Variants in LINGO2 observed in about 807,000 individuals in gnomAD.
The protein encoded by LINGO2 is leucine rich repeat and Ig domain containing 2.
LINGO2 carries 14 observed loss-of-function variants against 30.6 expected under a neutral mutation model. That is an observed-to-expected ratio of 0.46 (90% CI 0.30 to 0.72). The LOEUF is 0.72. LINGO2 is among the 30% of genes least tolerant of loss of function. LINGO2 has a pLI of 0.07. For missense variants in LINGO2, 729 were observed against 751.7 expected, an observed-to-expected ratio of 0.97 and a Z score of 0.35; for synonymous variants, 317 against 288.5, an observed-to-expected ratio of 1.10 and a Z score of -1.00.
At chr9:29,018,035 TAGAGAG>T in the LINGO2 span, among the ~76,000 whole-genome samples, 142 of 142,706 alleles carry the variant, frequency 1.0e-3, 1 homozygote, top group East Asian at 4.1e-3. Flanking sequence ...TATATATATA[TAGAGAG>T]AGAGAGATCT....
chr9:29,167,342 T>C, the LINGO2 span, among the ~76,000 whole-genome samples: 107 of 152,270 alleles, frequency 7.0e-4, 2 homozygotes, highest in African/African-American at 2.5e-3. Context: ...TCTGTTTTCG[T>C]ACTTAAATTT....
chr9:28,319,876 C>A (rs775513996), intron 3 of LINGO2, among the ~76,000 whole-genome samples: 1 of 152,026 alleles, frequency 6.6e-6, no homozygotes, highest in Non-Finnish European at 1.5e-5. Flanking sequence ...TGCAAGAAAA[C>A]TGATTGAAAA....
the LINGO2 span, among the ~76,000 whole-genome samples, chr9:28,942,437 C>A: frequency 6.6e-6 from 1 of 152,068 alleles, no homozygotes; most frequent in Non-Finnish European, 1.5e-5. Context: ...CACCAAAAAC[C>A]AAATAACTGA....
the LINGO2 span, among the ~76,000 whole-genome samples, chr9:28,829,795 C>G: frequency 1.3e-5 from 2 of 152,114 alleles, no homozygotes; most frequent in Non-Finnish European, 1.5e-5. Flanking sequence ...GAGGCTGAGG[C>G]AGGAGAGTCG....
chr9:29,172,551 A>C, the LINGO2 span, among the ~76,000 whole-genome samples: 1 of 151,988 alleles, frequency 6.6e-6, no homozygotes, highest in Non-Finnish European at 1.5e-5. Flanking sequence ...CACTTATAAA[A>C]CATTTAATAA....
At chr9:28,538,161 T>C (rs1386634621) in intron 1 of LINGO2, among the ~76,000 whole-genome samples, 1 of 151,844 alleles carries the variant, frequency 6.6e-6, no homozygotes. Context: ...ACTGAAAGAA[T>C]ACCAATAGAA....
chr9:28,631,547 G>T (rs1168935017), intron 1 of LINGO2, among the ~76,000 whole-genome samples: 2 of 152,076 alleles, frequency 1.3e-5, no homozygotes, highest in Admixed American at 6.6e-5. Context: ...GTCAAAGATG[G>T]TTGTAGATGT....
At chr9:28,163,695 A>G (rs534515242) in intron 4 of LINGO2, among the ~76,000 whole-genome samples, 1 of 152,286 alleles carries the variant, frequency 6.6e-6, no homozygotes, top group East Asian at 1.9e-4. Context: ...AAAAGTACAG[A>G]TTATGACGCC....
chr9:28,366,348 A>G (rs1017986561), intron 3 of LINGO2, among the ~76,000 whole-genome samples: 1 of 152,206 alleles, frequency 6.6e-6, no homozygotes, highest in Non-Finnish European at 1.5e-5. Context: ...TCTACCATGG[A>G]AAACTCACCA....
chr9:28,737,000 A>G, the LINGO2 span, among the ~76,000 whole-genome samples: 1 of 152,122 alleles, frequency 6.6e-6, no homozygotes. Flanking sequence ...CTTGGGTAGT[A>G]GAAGGCATAT....
chr9:28,657,730 T>C (rs1828415726), intron 1 of LINGO2, among the ~76,000 whole-genome samples: 1 of 152,030 alleles, frequency 6.6e-6, no homozygotes, highest in Non-Finnish European at 1.5e-5. Flanking sequence ...TTCTCTATTG[T>C]TTTTCTACTA....
chr9:28,941,527 A>T, the LINGO2 span, among the ~76,000 whole-genome samples: 1 of 152,142 alleles, frequency 6.6e-6, no homozygotes. Flanking sequence ...TATACATATT[A>T]TAGTACAATT....
chr9:28,770,963 A>G, the LINGO2 span, among the ~76,000 whole-genome samples: 3 of 152,194 alleles, frequency 2.0e-5, no homozygotes, highest in African/African-American at 7.2e-5. Flanking sequence ...ACCTTGATTT[A>G]GGCATAGACA....
the LINGO2 span, among the ~76,000 whole-genome samples, chr9:28,936,136 T>G: frequency 6.6e-6 from 1 of 152,306 alleles, no homozygotes; most frequent in Non-Finnish European, 1.5e-5. Context: ...CATTATCTAT[T>G]ATTAACTTCC....
At chr9:28,685,586 C>T in the LINGO2 span, among the ~76,000 whole-genome samples, 3 of 152,096 alleles carry the variant, frequency 2.0e-5, no homozygotes. Context: ...TGTCATGTCT[C>T]TCTCATAATT....
At chr9:28,003,342 T>TAGATAGATAG (rs1822063435) in intron 5 of LINGO2, among the ~76,000 whole-genome samples, 1 of 141,642 alleles carries the variant, frequency 7.1e-6, no homozygotes, top group Non-Finnish European at 1.5e-5. Flanking sequence ...TATATAGATA[T>TAGATAGATAG]ATAGATAGAT....
chr9:28,314,224 G>A (rs10968491), intron 3 of LINGO2, among the ~76,000 whole-genome samples: 6,337 of 152,188 alleles, frequency 0.042, 191 homozygotes, highest in Middle Eastern at 0.088. Context: ...GTGAGCCACC[G>A]CGCCCGGCCG....
intron 4 of LINGO2, among the ~76,000 whole-genome samples, chr9:28,091,030 G>A (rs563599639): frequency 7.0e-4 from 106 of 152,232 alleles, no homozygotes; most frequent in African/African-American, 2.6e-3. Flanking sequence ...CCTTTTCAAG[G>A]AGAACTACAA....
chr9:29,163,285 T>C, the LINGO2 span, among the ~76,000 whole-genome samples: 1,438 of 152,270 alleles, frequency 9.4e-3, 7 homozygotes, highest in Non-Finnish European at 0.015. Flanking sequence ...TGTTCTAAAA[T>C]AGGGTTTACA....
Sources: allele counts gnomAD v4.1 joint callset (sites outside exome capture counted in the v4.1 genomes callset), GRCh38; gene constraint gnomAD v4.1.1; transcripts MANE v1.5; gene names NCBI Gene and HGNC (gene_info 2026-07-23, HGNC 2026-07-21).